CHI3L1: variants seen among roughly 807,000 people sequenced by gnomAD.
CHI3L1 encodes chitinase-3-like protein 1.
In CHI3L1, 30 loss-of-function variants were observed where a neutral mutation model predicts 40.7. The observed-to-expected ratio is 0.74, with a 90% CI of 0.55 to 1.00. The LOEUF is 1.00. CHI3L1 is among the 50% of genes least tolerant of loss of function. CHI3L1 has a pLI of 0.00. For missense variants in CHI3L1, 493 were observed against 492.2 expected (o/e 1.00, Z -0.01); for synonymous variants, 210 against 192.1 (o/e 1.09, Z -0.77).
chr1:203,184,961 C>T (rs1656024147), intron 3 of CHI3L1, among the ~76,000 whole-genome samples: 1 of 152,108 alleles, frequency 6.6e-6, no homozygotes, highest in African/African-American at 2.4e-5. Context: ...AGAGGGTTCC[C>T]CTCTCCCAGA....
In CHI3L1 at chr1:203,181,258, G is replaced by A. The variant is rs1293410071; in HGVS notation, c.615C>T (p.Thr205=). ...SQHLDFISIM[T]YDFHGAWRGT... is the part of the protein sequence containing the mutation. ...CACGCCAGGCTCCATGAAAATCGTA[G>A]GTCATGATGCTAATGAAATCCAGGT... is the stretch of plus-strand genomic sequence containing the variant. The change falls in exon 7 of 10, where the codon ACC becomes ACT. Residue 205 remains threonine (T), a synonymous_variant. Transcript: ENST00000255409. 1.2e-6 allele frequency: 2 copies of A among 1,614,068 alleles called. No individual in the cohort carries two copies. The highest frequency in any genetic ancestry group is 3.3e-5 in the Admixed American group (2 of 60,010).
chr1:203,179,774 C>A lies in CHI3L1; in HGVS notation c.998G>T (p.Ser333Ile), dbSNP rs145322357. Residue 333 changes from serine (S) to isoleucine (I), a missense_variant, in exon 9 of 10, where the codon AGC becomes ATC. Ser to Ile is a moderately radical substitution (Grantham distance 142). Transcript: ENST00000255409. ...GGGGAAACCTACCTTGCTTTTGACG[C>A]TTTCCTGGTCGTCGTATCCTACCCA... ...NQWVGYDDQE[S>I]VKSKVQYLKD... is the part of the protein sequence containing the mutation. 63 of 1,614,214 alleles carry A rather than the reference C, an allele frequency of 3.9e-5. No individual in the cohort carries two copies. The African/African-American group carries it at 6.8e-4, about 17-fold the overall frequency.
At chr1:203,180,029 GT>G in intron 8 of CHI3L1, 152 bp from the exon 9 acceptor site, 1 of 686,748 alleles carries the variant, frequency 1.5e-6, no homozygotes, top group Non-Finnish European at 2.4e-6. Flanking sequence ...CATCACACAA[GT>G]TTATACAAAC....
rs776084852 is a variant in CHI3L1, at chr1:203,185,245, T to C, written c.196A>G (p.Ile66Val). 3.7e-6 allele frequency: 6 copies of C among 1,614,028 alleles called. No individual in the cohort carries two copies. Among genetic ancestry groups the C allele is most frequent in the African/African-American group, 2.7e-5 (2 of 74,904 alleles). ...ACATCATTCCACTCCCAGGTGTCGA[T>C]GTGATCGTTGCTTATATTGGCAAAG... ...YSFANISNDH[I>V]DTWEWNDVTL... Residue 66 changes from isoleucine to valine, a missense_variant, in exon 3 of 10, where the codon ATC becomes GTC. By Grantham distance (29) the Ile-to-Val change is conservative. Transcript: ENST00000255409.
chr1:203,185,478 G>A, intron 2 of CHI3L1, 93 bp from the exon 3 acceptor site: 1 of 1,085,680 alleles, frequency 9.2e-7, no homozygotes, highest in Non-Finnish European at 1.4e-6. Context: ...GTGTGGGGTT[G>A]GGTAGGGAGG....
Position 203,179,387 on chromosome 1 carries a change from C to A in CHI3L1, c.*58G>T. 6.8e-7 allele frequency: 1 copy of A among 1,471,754 alleles called. No individual in the cohort carries two copies. The highest frequency in any genetic ancestry group is 9.1e-7 in the Non-Finnish European group (1 of 1,094,916). The allele number at this position is 1,471,754 out of a possible 1,614,324, so 91.2% of individuals were successfully genotyped here. ...GGCAGGTGATCAGGCTCCCGGCCAG[C>A]TGGAGCCAGAGGGGGACGGGGCATC... On this transcript the variant is annotated 3_prime_UTR_variant, in exon 10 of 10. Coordinates refer to ENST00000255409, the MANE Select transcript of CHI3L1 (RefSeq NM_001276.4).
At chr1:203,186,456 G>C (rs895036870) in intron 1 of CHI3L1, 111 bp from the exon 2 acceptor site, 1 of 1,303,964 alleles carries the variant, frequency 7.7e-7, no homozygotes. Flanking sequence ...CCTGGTTGCA[G>C]CCTCAGTCCC....
chr1:203,186,208 C>G, intron 2 of CHI3L1, 108 bp downstream of exon 2: 1 of 1,227,040 alleles, frequency 8.1e-7, no homozygotes, highest in Non-Finnish European at 1.2e-6. Flanking sequence ...ATTGGAAGCA[C>G]AGAAGAACCT....
chr1:203,180,586 TG>T lies in CHI3L1; in HGVS notation c.777del (p.Thr260ProfsTer67). ...GCCAGAGTGAAGCTCCTCCCGAAGG[TG>T]GGGATGCCCATCACCAGCTTACTGG... ...APASKLVMGI[P>X]TFGRSFTLAS... On this transcript the variant is annotated frameshift_variant, in exon 8 of 10. Transcript: ENST00000255409. LOFTEE classifies it high-confidence loss of function. The T allele has an allele frequency of 6.5e-7, 1 of 1,529,556 alleles. No homozygotes were observed. Among genetic ancestry groups the T allele is most frequent in the Non-Finnish European group, 8.9e-7 (1 of 1,128,920 alleles). 94.7% of individuals were successfully genotyped at this position (1,529,556 alleles called of 1,614,324 possible).
intron 8 of CHI3L1, 195 bp from the exon 9 acceptor site, chr1:203,180,072 C>G: frequency 1.7e-6 from 1 of 605,936 alleles, no homozygotes; most frequent in Non-Finnish European, 2.9e-6. Flanking sequence ...TGGTGGCTGC[C>G]TTGGCCCTGC....
Position 203,180,599 on chromosome 1 carries a change from C to A in CHI3L1, c.765G>T (p.Val255=), listed in dbSNP as rs1444669110. ...TCCTCCCGAAGGTGGGGATGCCCAT[C>A]ACCAGCTTACTGGCAGGAGCCCCCA... ...LRLGAPASKL[V]MGIPTFGRSF... Residue 255 remains valine (V), a synonymous_variant, in exon 8 of 10, where the codon GTG becomes GTT. Transcript: ENST00000255409. 1.2e-6 allele frequency: 2 copies of A among 1,612,526 alleles called. No individual in the cohort carries two copies. The highest frequency in any genetic ancestry group is 8.5e-7 in the Non-Finnish European group (1 of 1,179,374).
Position 203,179,895 on chromosome 1 carries a change from A to T in CHI3L1, c.895-18T>A. 3.1e-6 allele frequency: 5 copies of T among 1,611,566 alleles called. No individual in the cohort carries two copies. The highest frequency in any genetic ancestry group is 4.2e-6 in the Non-Finnish European group (5 of 1,177,932). On this transcript the variant is annotated intron_variant, in intron 8 of 9. Transcript: ENST00000255409. ...TCACAGATCTGAGCAGATAACAGGG[A>T]AAAGGCAGTGTGGGGAGTCGTGCCG...
rs1656033474 is a variant in CHI3L1, at chr1:203,185,310, T to G, written c.131A>C (p.Asp44Ala). Residue 44 changes from aspartate (D) to alanine (A), a missense_variant, in exon 3 of 10, where the codon GAT becomes GCT. Physicochemically the swap from Asp to Ala is moderately radical, Grantham distance 126. Coordinates refer to ENST00000255409, the MANE Select transcript of CHI3L1 (RefSeq NM_001276.4). ...YREGDGSCFP[D>A]ALDRFLCTHI... ...GGTACAGAGGAAGCGGTCAAGGGCA[T>G]CTGGGAAGCAGCTCCCATCGCCTTC... 1 of 1,614,200 alleles carries G rather than the reference T, an allele frequency of 6.2e-7. No homozygotes were observed. The highest frequency in any genetic ancestry group is 1.3e-5 in the African/African-American group (1 of 75,040).
Position 203,185,357 on chromosome 1 carries a change from G to A in CHI3L1, c.84C>T (p.Tyr28=). The A allele has an allele frequency of 1.2e-6, 2 of 1,614,160 alleles. No individual in the cohort carries two copies. The highest frequency in any genetic ancestry group is 1.3e-5 in the African/African-American group (1 of 75,050). ...CTTCCCGGTACTGGGACCAGCTGGT[G>A]TAGTAGCAGACCAGTTTGTATGCAG... The part of the protein sequence containing the change: ...CCSAYKLVCY[Y]TSWSQYREGD... The change falls in exon 3 of 10, where the codon TAC becomes TAT. Residue 28 remains tyrosine, a synonymous_variant. Transcript: ENST00000255409.
chr1:203,185,093 G>T, intron 3 of CHI3L1, 91 bp downstream of exon 3: 1 of 1,045,752 alleles, frequency 9.6e-7, no homozygotes, highest in Non-Finnish European at 1.5e-6. Context: ...AGGTGAGCAG[G>T]GTGGGGCCTC....
rs1656036993 is a variant in CHI3L1 at position 203,185,436 on chromosome 1, T to G, written c.56-51A>C. ...CCGGGCCAGGATTCGGCAAGAGACCTCAGGCTGAGCCCAGAGCTGAGCACC... is the reference window on the plus strand; with the variant it reads ...CCGGGCCAGGATTCGGCAAGAGACCGCAGGCTGAGCCCAGAGCTGAGCACC... On this transcript the variant is annotated intron_variant, in intron 2 of 9. Coordinates refer to ENST00000255409, the MANE Select transcript of CHI3L1 (RefSeq NM_001276.4). The G allele has an allele frequency of 1.9e-6, 3 of 1,542,830 alleles. No individual in the cohort carries two copies. The African/African-American group carries it at 4.1e-5, about 21-fold the overall frequency.
Position 203,182,868 on chromosome 1 carries a change from G to A in CHI3L1, c.466-16C>T, listed in dbSNP as rs560535640. On this transcript the variant is annotated splice_polypyrimidine_tract_variant and intron_variant, in intron 5 of 9. Coordinates refer to ENST00000255409, the MANE Select transcript of CHI3L1 (RefSeq NM_001276.4). The stretch of plus-strand genomic sequence containing the variant: ...CCTTCATTTCCTAGATGGGAGACAG[G>A]CAGGTGAGAGAAAGGGTCCCAAGTG... The A allele has an allele frequency of 1.6e-5, 26 of 1,613,568 alleles. No homozygotes were observed. The highest frequency in any genetic ancestry group is 1.7e-4 in the Middle Eastern group (1 of 6,046).
intron 7 of CHI3L1, 83 bp from the exon 8 acceptor site, chr1:203,180,735 G>T: frequency 9.7e-7 from 1 of 1,026,888 alleles, no homozygotes; most frequent in East Asian, 2.7e-5. Context: ...TGCCTTAGCA[G>T]GGGTTATTGG....
intron 7 of CHI3L1, 29 bp downstream of exon 7, chr1:203,181,133 C>T: frequency 1.9e-6 from 3 of 1,612,472 alleles, no homozygotes; most frequent in Non-Finnish European, 2.5e-6. Context: ...GCGGCCCCCT[C>T]CTGGCCCTCC....
Sources: gnomAD v4.1 joint callset for allele counts (sites outside exome capture counted in the v4.1 genomes callset) on GRCh38, gnomAD v4.1.1 for gene constraint, MANE v1.5 for transcripts, NCBI Gene and HGNC (gene_info 2026-07-23, HGNC 2026-07-21) for gene names.